The following DGLUCY variants were observed in gnomAD, a reference collection of about 807,000 sequenced individuals.
DGLUCY encodes D-glutamate cyclase.
DGLUCY carries 58 observed loss-of-function variants against 58.5 expected under a neutral mutation model. The observed-to-expected ratio is 0.99, with a 90% confidence interval of 0.80 to 1.23. The LOEUF is 1.23. DGLUCY is among the 50% of genes most tolerant of loss of function. The pLI is 0.00. For synonymous variants in DGLUCY, 325 were observed against 314.1 expected, an observed-to-expected ratio of 1.03 and a Z score of -0.37; for missense variants, 779 against 784.7, an observed-to-expected ratio of 0.99 and a Z score of 0.09.
chr14:91,081,564 G>T (rs1160951675), intron 1 of DGLUCY, among the ~76,000 whole-genome samples: 1 of 152,094 alleles, frequency 6.6e-6, no homozygotes, highest in African/African-American at 2.4e-5. Flanking sequence ...GGGTCTTATG[G>T]GCTAAGATCG....
intron 9 of DGLUCY, among the ~76,000 whole-genome samples, chr14:91,191,795 G>C (rs976266005): frequency 6.6e-6 from 1 of 152,164 alleles, no homozygotes; most frequent in African/African-American, 2.4e-5. Flanking sequence ...AAGGATCAGG[G>C]CTTGCTCTAA....
At chr14:91,149,252 AAAAAAAAAAG>A (rs1311176642) in intron 1 of DGLUCY, among the ~76,000 whole-genome samples, 2 of 152,018 alleles carry the variant, frequency 1.3e-5, no homozygotes, top group East Asian at 1.9e-4. Flanking sequence ...TATCTCAAAA[AAAAAAAAAAG>A]AAAAGAAAAG....
chr14:91,122,079 CA>C, intron 1 of DGLUCY, among the ~76,000 whole-genome samples: 1 of 151,882 alleles, frequency 6.6e-6, no homozygotes, highest in African/African-American at 2.4e-5. Context: ...GCCTTGAAAT[CA>C]GGCTCTGTAT....
chr14:91,064,180 A>G (rs1033800035), intron 1 of DGLUCY, among the ~76,000 whole-genome samples: 9 of 152,150 alleles, frequency 5.9e-5, no homozygotes, highest in African/African-American at 2.2e-4. Flanking sequence ...ATGAGAGAGA[A>G]CATCAAGAGT....
intron 1 of DGLUCY, among the ~76,000 whole-genome samples, chr14:91,082,547 C>T (rs1302713894): frequency 6.6e-6 from 1 of 152,192 alleles, no homozygotes; most frequent in Non-Finnish European, 1.5e-5. Context: ...TATAATTGGA[C>T]ATTTCCCAAT....
chr14:91,108,527 GA>G (rs2044637773), intron 1 of DGLUCY, among the ~76,000 whole-genome samples: 2 of 14,940 alleles, frequency 1.3e-4, no homozygotes, highest in African/African-American at 3.1e-4. Context: ...GTGTGTGTGT[GA>G]GAGAGAGAGA....
intron 1 of DGLUCY, among the ~76,000 whole-genome samples, chr14:91,096,944 C>G (rs1386367479): frequency 6.6e-6 from 1 of 152,232 alleles, no homozygotes; most frequent in East Asian, 1.9e-4. Flanking sequence ...CCAAGATTAA[C>G]TCATACAATT....
chr14:91,127,782 C>T (rs2045792881), intron 1 of DGLUCY, among the ~76,000 whole-genome samples: 1 of 152,172 alleles, frequency 6.6e-6, no homozygotes, highest in Non-Finnish European at 1.5e-5. Flanking sequence ...AATTACTTGC[C>T]CCAGGCAGAA....
chr14:91,100,447 C>T (rs2044466670), intron 1 of DGLUCY, among the ~76,000 whole-genome samples: 1 of 152,170 alleles, frequency 6.6e-6, no homozygotes, highest in South Asian at 2.1e-4. Context: ...ATAGCAACTG[C>T]TTTCTTTTAC....
intron 5 of DGLUCY, among the ~76,000 whole-genome samples, chr14:91,171,064 G>A (rs1305877722): frequency 2.0e-5 from 3 of 152,190 alleles, no homozygotes; most frequent in African/African-American, 7.2e-5. Context: ...TGGGACCCCA[G>A]CCACTGGCAG....
intron 1 of DGLUCY, among the ~76,000 whole-genome samples, chr14:91,084,191 A>G (rs1476779779): frequency 6.8e-6 from 1 of 147,166 alleles, no homozygotes; most frequent in Non-Finnish European, 1.5e-5. Context: ...TCTCTCCACC[A>G]TCATCTGTCT....
intron 1 of DGLUCY, among the ~76,000 whole-genome samples, chr14:91,144,201 G>A (rs538341348): frequency 6.6e-6 from 1 of 152,290 alleles, no homozygotes; most frequent in African/African-American, 2.4e-5. Context: ...CCTGGGACAG[G>A]GTGTTTCTGG....
intron 4 of DGLUCY, among the ~76,000 whole-genome samples, chr14:91,169,621 G>GCTTGTC (rs1406942306): frequency 1.3e-5 from 2 of 151,394 alleles, no homozygotes; most frequent in Non-Finnish European, 2.9e-5. Context: ...TGTTGCCCAG[G>GCTTGTC]CTTGTCTTGA....
At chr14:91,127,533 C>A (rs2045777057) in intron 1 of DGLUCY, among the ~76,000 whole-genome samples, 1 of 152,250 alleles carries the variant, frequency 6.6e-6, no homozygotes, top group Non-Finnish European at 1.5e-5. Flanking sequence ...TGGGCCTGGG[C>A]CAGAGGGATG....
intron 1 of DGLUCY, among the ~76,000 whole-genome samples, chr14:91,082,819 T>C (rs996472704): frequency 3.3e-5 from 5 of 152,136 alleles, no homozygotes; most frequent in African/African-American, 1.2e-4. Context: ...AGTGGTATGA[T>C]CACAACTCAC....
chr14:91,199,538 C>A (rs1201034503), intron 10 of DGLUCY, among the ~76,000 whole-genome samples: 1 of 152,156 alleles, frequency 6.6e-6, no homozygotes, highest in East Asian at 1.9e-4. Context: ...TAGGCATGAA[C>A]CACCATGCCC....
chr14:91,095,831 T>C (rs1385549326), intron 1 of DGLUCY, among the ~76,000 whole-genome samples: 4 of 151,932 alleles, frequency 2.6e-5, no homozygotes, highest in African/African-American at 9.7e-5. Context: ...AAACACATCT[T>C]CTATATCTTT....
intron 10 of DGLUCY, 106 bp downstream of exon 10, chr14:91,196,580 AAGCCATG>A: frequency 1.1e-6 from 1 of 907,118 alleles, no homozygotes; most frequent in Non-Finnish European, 1.7e-6. Context: ...AGAGGGAGCG[AAGCCATG>A]AGCCAAGGAA....
intron 1 of DGLUCY, among the ~76,000 whole-genome samples, chr14:91,115,981 A>G (rs564473985): frequency 3.2e-4 from 48 of 152,292 alleles, no homozygotes; most frequent in Middle Eastern, 3.4e-3. Context: ...CCTGTGGGCA[A>G]TGCAGATTGC....
Sources: allele counts gnomAD v4.1 joint callset (sites outside exome capture counted in the v4.1 genomes callset), GRCh38; gene constraint gnomAD v4.1.1; transcripts MANE v1.5; gene names NCBI Gene and HGNC (gene_info 2026-07-23, HGNC 2026-07-21).